Variants in CHL1 observed in about 807,000 individuals in gnomAD.
CHL1 encodes the protein cell adhesion molecule L1 like.
A neutral mutation model predicts 141.9 loss-of-function variants in CHL1; 96 were observed. That is an observed-to-expected ratio of 0.68 (90% CI 0.57 to 0.80). The LOEUF is 0.80. CHL1 is among the 30% of genes least tolerant of loss of function. CHL1 has a pLI of 0.00. For missense variants in CHL1, 1,820 were observed against 1,457.2 expected, an observed-to-expected ratio of 1.25 and a Z score of -4.05; for synonymous variants, 613 against 502.2, an observed-to-expected ratio of 1.22 and a Z score of -2.95.
At position 252,395 on chromosome 3, in the gene CHL1, T is replaced by C. The variant is rs1036479586; in HGVS notation, c.-95+7703T>C. Among the ~76,000 whole-genome samples, 61 of 140,950 alleles carry C rather than the reference T, an allele frequency of 4.3e-4. 1 individual carries two copies. Among genetic ancestry groups the C allele is most frequent in the African/African-American group, 1.5e-3 (57 of 39,290 alleles). 92.5% of individuals were successfully genotyped at this position (140,950 alleles called of 152,430 possible). On this transcript the variant is annotated intron_variant, in intron 2 of 27. Coordinates refer to ENST00000256509, the MANE Select transcript of CHL1 (RefSeq NM_006614.4). Reference sequence around the variant, plus strand: ...ATATATATATATATATATATATATATATATATTTCTATTTTGGTATTTTAA... The same window carrying C: ...ATATATATATATATATATATATATACATATATTTCTATTTTGGTATTTTAA...
At chr3:276,177 T>G (rs1696079971) in intron 2 of CHL1, among the ~76,000 whole-genome samples, 1 of 152,164 alleles carries the variant, frequency 6.6e-6, no homozygotes. Context: ...TAAAATGCTG[T>G]GAAGGTAAAG....
chr3:218,296 C>T (rs1489762837), intron 1 of CHL1, among the ~76,000 whole-genome samples: 1 of 152,180 alleles, frequency 6.6e-6, no homozygotes, highest in Non-Finnish European at 1.5e-5. Flanking sequence ...TTAATTCTTA[C>T]AGCAGTTATG....
chr3:197,967 G>A (rs1352126893), intron 1 of CHL1: 1 of 369,862 alleles, frequency 2.7e-6, no homozygotes, highest in African/African-American at 2.1e-5. Context: ...GGAGGCTGGG[G>A]AAAGCCAGCC....
chr3:198,769 G>C (rs1054625771), intron 1 of CHL1, among the ~76,000 whole-genome samples: 2 of 152,094 alleles, frequency 1.3e-5, no homozygotes, highest in Admixed American at 6.5e-5. Context: ...TTTCATTGAA[G>C]TAAAAATTCT....
At chr3:200,590 A>G (rs1698833405) in intron 1 of CHL1, among the ~76,000 whole-genome samples, 1 of 152,212 alleles carries the variant, frequency 6.6e-6, no homozygotes, top group African/African-American at 2.4e-5. Flanking sequence ...CTAAGTTAAC[A>G]CAGCTAATGA....
intron 1 of CHL1, among the ~76,000 whole-genome samples, chr3:238,653 A>G (rs1304794467): frequency 6.6e-6 from 1 of 152,050 alleles, no homozygotes; most frequent in East Asian, 1.9e-4. Flanking sequence ...GGCCAGGTAC[A>G]GTGGCTCACG....
At chr3:393,948 G>C (rs1203065196) in intron 23 of CHL1, among the ~76,000 whole-genome samples, 1 of 152,150 alleles carries the variant, frequency 6.6e-6, no homozygotes, top group African/African-American at 2.4e-5. Flanking sequence ...GAGTCAAGAG[G>C]ATTTATTCTA....
intron 1 of CHL1, among the ~76,000 whole-genome samples, chr3:209,505 T>G (rs1244560374): frequency 6.6e-6 from 1 of 152,218 alleles, no homozygotes. Flanking sequence ...GAACCAATCC[T>G]TCCTAGTGGT....
chr3:310,544 T>G (rs1319258103), intron 2 of CHL1, among the ~76,000 whole-genome samples: 2 of 152,232 alleles, frequency 1.3e-5, no homozygotes, highest in Non-Finnish European at 2.9e-5. Context: ...TATTATTGCT[T>G]CCTCTCACAT....
At chr3:266,961 A>T (rs1352468466) in intron 2 of CHL1, among the ~76,000 whole-genome samples, 1 of 152,182 alleles carries the variant, frequency 6.6e-6, no homozygotes, top group Admixed American at 6.5e-5. Flanking sequence ...GTCTGCAGGA[A>T]GCTGGCTGAT....
intron 23 of CHL1, among the ~76,000 whole-genome samples, chr3:393,028 T>C (rs1436437654): frequency 1.3e-5 from 2 of 152,026 alleles, no homozygotes; most frequent in South Asian, 2.1e-4. Flanking sequence ...GGTCAGGAGA[T>C]CGAGACCATC....
rs151121953 is a variant in CHL1, at chr3:390,717, A to G, written c.2487A>G (p.Pro829=). The change falls in exon 21 of 28, where the codon CCA becomes CCG. Residue 829 remains proline, a synonymous_variant. Coordinates refer to ENST00000256509, the MANE Select transcript of CHL1 (RefSeq NM_006614.4). ...GATTAACAGATCCTGATACAGCTCCAGTGATCCATGGGGTGGACGTTATAA... is the reference window on the plus strand; with the variant it reads ...GATTAACAGATCCTGATACAGCTCCGGTGATCCATGGGGTGGACGTTATAA... The part of the protein sequence containing the change: ...YSGEDYPDTA[P]VIHGVDVINS... 6.0e-5 allele frequency: 96 copies of G among 1,591,096 alleles called. No homozygotes were observed. The Middle Eastern group carries it at 1.0e-3, about 17-fold the overall frequency.
intron 1 of CHL1, among the ~76,000 whole-genome samples, chr3:228,634 A>G (rs1342784812): frequency 1.3e-5 from 2 of 152,216 alleles, no homozygotes; most frequent in East Asian, 1.9e-4. Flanking sequence ...TTCACATGGT[A>G]TAGAGTGTGT....
chr3:243,240 C>T (rs1262891655), intron 1 of CHL1, among the ~76,000 whole-genome samples: 1 of 152,112 alleles, frequency 6.6e-6, no homozygotes, highest in African/African-American at 2.4e-5. Context: ...GAGAGACTGT[C>T]GTAACACACA....
At chr3:249,027 A>G (rs1693438604) in intron 2 of CHL1, among the ~76,000 whole-genome samples, 1 of 152,224 alleles carries the variant, frequency 6.6e-6, no homozygotes, top group South Asian at 2.1e-4. Context: ...GCCCTAAGGC[A>G]ATTCTTGCTG....
intron 5 of CHL1, among the ~76,000 whole-genome samples, chr3:336,227 G>A (rs927057069): frequency 1.3e-5 from 2 of 152,118 alleles, no homozygotes; most frequent in African/African-American, 4.8e-5. Flanking sequence ...GTACTTCTTT[G>A]TTGAAAATAC....
rs374446548 is a variant in CHL1 at position 360,589 on chromosome 3, TC to T, written c.1306+166del. ...TAGACTTCACACTGAAATTGTACTT[TC>T]TTTTTTTTTTTTATTATACTTTAAG... On this transcript the variant is annotated intron_variant, in intron 12 of 27. Coordinates refer to ENST00000256509, the MANE Select transcript of CHL1 (RefSeq NM_006614.4). Among the ~76,000 whole-genome samples, 18 of 10,446 alleles carry T rather than the reference TC, an allele frequency of 1.7e-3. 1 individual carries two copies. The highest frequency in any genetic ancestry group is 2.3e-3 in the African/African-American group (16 of 7,054). The allele number at this position is 10,446 out of a possible 152,430, so 6.9% of individuals were successfully genotyped here.
In CHL1 at chr3:363,235, G is replaced by C; in HGVS notation, c.1437G>C (p.Val479=). The part of the protein sequence containing the change: ...AVVSWQKVEE[V]KPLEGRRYHI... ...TCCATAGGCAGAAGGTGGAAGAAGT[G>C]AAACCCCTGGAGGGCAGGCGGTATC... Residue 479 remains valine (V), a synonymous_variant, in exon 14 of 28, where the codon GTG becomes GTC. Coordinates refer to ENST00000256509, the MANE Select transcript of CHL1 (RefSeq NM_006614.4). The C allele has an allele frequency of 6.2e-7, 1 of 1,610,552 alleles. No homozygotes were observed. Among genetic ancestry groups the C allele is most frequent in the Non-Finnish European group, 8.5e-7 (1 of 1,178,922 alleles).
At chr3:317,049 G>A (rs1329431215) in intron 2 of CHL1, among the ~76,000 whole-genome samples, 1 of 151,972 alleles carries the variant, frequency 6.6e-6, no homozygotes, top group East Asian at 1.9e-4. Context: ...GTCAGCTAAT[G>A]GAGTCTTACT....
Sources: allele counts gnomAD v4.1 joint callset (sites outside exome capture counted in the v4.1 genomes callset), GRCh38; gene constraint gnomAD v4.1.1; transcripts MANE v1.5; gene names NCBI Gene and HGNC (gene_info 2026-07-23, HGNC 2026-07-21).